RB1CC1: variants seen among roughly 807,000 people sequenced by gnomAD.
RB1CC1 encodes RB1 inducible coiled-coil 1.
In RB1CC1, 46 loss-of-function variants were observed where a neutral mutation model predicts 177.5. That is an observed-to-expected ratio of 0.26 (90% CI 0.20 to 0.33). The LOEUF is 0.33. Ranked by LOEUF, RB1CC1 falls within the 10% of genes least tolerant of loss-of-function variation. RB1CC1 has a pLI of 1.00. For synonymous variants in RB1CC1, 666 were observed against 613.6 expected, an observed-to-expected ratio of 1.09 and a Z score of -1.26; for missense variants, 1,703 against 1,816.3, an observed-to-expected ratio of 0.94 and a Z score of 1.13.
chr8:52,622,689 A>C lies in RB1CC1; in HGVS notation c.*1093T>G, dbSNP rs918988591. The C allele has an allele frequency of 3.3e-5, 5 of 152,066 alleles. No homozygotes were observed. Among genetic ancestry groups the C allele is most frequent in the Non-Finnish European group, 3.0e-5 (2 of 67,580 alleles). 9.4% of individuals were successfully genotyped at this position (152,066 alleles called of 1,614,324 possible). A position where few individuals can be genotyped will look rare whatever the true frequency, so the allele number is the denominator to read the frequency against. ...TAACTCATTTAAATAACTTTGCTCAATGGCAACTTCTCTAAAGATCTAGTT... is the reference window on the plus strand; with the variant it reads ...TAACTCATTTAAATAACTTTGCTCACTGGCAACTTCTCTAAAGATCTAGTT... On this transcript the variant is annotated 3_prime_UTR_variant, in exon 24 of 24. Coordinates refer to ENST00000025008, the MANE Select transcript of RB1CC1 (RefSeq NM_014781.5).
chr8:52,645,689 AAG>A lies in RB1CC1; in HGVS notation c.3987+11_3987+12del. 2 of 1,603,404 alleles carry A rather than the reference AAG, an allele frequency of 1.2e-6. No individual in the cohort carries two copies. The highest frequency in any genetic ancestry group is 2.3e-5 in the South Asian group (2 of 88,270). On this transcript the variant is annotated intron_variant, in intron 16 of 23. Coordinates refer to ENST00000025008, the MANE Select transcript of RB1CC1 (RefSeq NM_014781.5). ...CTTTAGTTCTCAAATGAAATGGGAAAAGAGATACAGACCTGTTGTTCCGCAAT... is the reference window on the plus strand; with the variant it reads ...CTTTAGTTCTCAAATGAAATGGGAAAAGATACAGACCTGTTGTTCCGCAAT...
intron 15 of RB1CC1, among the ~76,000 whole-genome samples, chr8:52,648,387 C>G (rs1398547220): frequency 2.0e-5 from 3 of 152,094 alleles, no homozygotes; most frequent in Non-Finnish European, 4.4e-5. Flanking sequence ...TTTACATTAC[C>G]CTAGGATCTG....
intron 22 of RB1CC1, 84 bp from the exon 23 acceptor site, chr8:52,624,871 C>T (rs1433849334): frequency 1.6e-5 from 16 of 1,026,392 alleles, no homozygotes; most frequent in Non-Finnish European, 2.2e-5. Context: ...TTAAAACAGA[C>T]TAAAAAAGCT....
chr8:52,685,658 C>A (rs1854209333), intron 2 of RB1CC1, 138 bp from the exon 3 acceptor site: 2 of 403,546 alleles, frequency 5.0e-6, no homozygotes, highest in East Asian at 7.5e-5. Flanking sequence ...GGATGGCTAA[C>A]TGGATAGTTC....
chr8:52,632,666 A>G lies in RB1CC1; in HGVS notation c.4441-2138T>C, dbSNP rs573034325. Among the ~76,000 whole-genome samples the G allele has an allele frequency of 2.0e-5, 3 of 152,326 alleles. No homozygotes were observed. The South Asian group carries it at 6.2e-4, about 32-fold the overall frequency. ...GACTGTGATGCTCTCTGGGTCTGAA[A>G]GACAATTTATTCTGTGAAAAGAAAA... is the stretch of plus-strand genomic sequence containing the variant. On this transcript the variant is annotated intron_variant, in intron 20 of 23. Coordinates refer to ENST00000025008, the MANE Select transcript of RB1CC1 (RefSeq NM_014781.5).
rs751323504 is a variant in RB1CC1 at position 52,659,015 on chromosome 8, C to A, written c.1690-39G>T. 3.5e-6 allele frequency: 4 copies of A among 1,151,168 alleles called. No homozygotes were observed. In the Admixed American group the frequency reaches 8.2e-5, roughly 24 times the overall value. The allele number at this position is 1,151,168 out of a possible 1,614,324, so 71.3% of individuals were successfully genotyped here. On this transcript the variant is annotated intron_variant, in intron 12 of 23. Coordinates refer to ENST00000025008, the MANE Select transcript of RB1CC1 (RefSeq NM_014781.5). Reference sequence around the variant, plus strand: ...ATTAATTACTTAAAAAATTTTTTTTCAACCAAAAACAGACAGCAAATTTAT... The same window carrying A: ...ATTAATTACTTAAAAAATTTTTTTTAAACCAAAAACAGACAGCAAATTTAT...
intron 22 of RB1CC1, among the ~76,000 whole-genome samples, chr8:52,626,341 A>C (rs2150367448): frequency 1.3e-5 from 2 of 152,320 alleles, no homozygotes; most frequent in African/African-American, 4.8e-5. Flanking sequence ...TTTTTAAAAA[A>C]GTTTTTTAAT....
chr8:52,661,206 C>T lies in RB1CC1; in HGVS notation c.1434G>A (p.Glu478=). 6.2e-7 allele frequency: 1 copy of T among 1,613,882 alleles called. No homozygotes were observed. Among genetic ancestry groups the T allele is most frequent in the Non-Finnish European group, 8.5e-7 (1 of 1,179,882 alleles). The part of the protein sequence containing the change: ...KLQALLRLVI[E]LLERVKIVEA... ...CAACAATTTTGACTCTTTCTAACAG[C>T]TCTATTACGAGGCGGAGCAAAGCTT... The change falls in exon 10 of 24, where the codon GAG becomes GAA. Residue 478 remains glutamate (E), a synonymous_variant. Transcript: ENST00000025008.
chr8:52,674,369 A>T, intron 6 of RB1CC1, 95 bp from the exon 7 acceptor site: 1 of 1,053,670 alleles, frequency 9.5e-7, no homozygotes, highest in Admixed American at 2.1e-5. Context: ...ATACACACAA[A>T]TCTCACCACC....
intron 1 of RB1CC1, among the ~76,000 whole-genome samples, chr8:52,707,012 T>C (rs1856622009): frequency 6.6e-6 from 1 of 152,094 alleles, no homozygotes; most frequent in African/African-American, 2.4e-5. Context: ...GAAAAGAACA[T>C]GAGATTTGGA....
intron 1 of RB1CC1, among the ~76,000 whole-genome samples, chr8:52,712,890 T>C (rs1857174239): frequency 6.6e-6 from 1 of 152,208 alleles, no homozygotes; most frequent in South Asian, 2.1e-4. Flanking sequence ...ATAAATCCAA[T>C]AATCCAAAAA....
At position 52,645,014 on chromosome 8, in the gene RB1CC1, A is replaced by G. The variant is rs947649711; in HGVS notation, c.3987+688T>C. Among the ~76,000 whole-genome samples the G allele has an allele frequency of 2.0e-5, 3 of 152,168 alleles. No individual in the cohort carries two copies. In the South Asian group the frequency reaches 6.2e-4, roughly 31 times the overall value. ...TTCCAGTGGGTGATCTTCATTAAGC[A>G]TAAATCTAATTATGCCATTGTAATT... On this transcript the variant is annotated intron_variant, in intron 16 of 23. Coordinates refer to ENST00000025008, the MANE Select transcript of RB1CC1 (RefSeq NM_014781.5).
intron 8 of RB1CC1, among the ~76,000 whole-genome samples, chr8:52,663,146 C>T (rs901142333): frequency 3.5e-4 from 54 of 152,156 alleles, no homozygotes; most frequent in African/African-American, 9.1e-4. Context: ...TATTTTTACA[C>T]GCAAATAAGG....
At chr8:52,630,388 T>A in intron 21 of RB1CC1, 82 bp downstream of exon 21, 1 of 1,470,572 alleles carries the variant, frequency 6.8e-7, no homozygotes. Flanking sequence ...TGGACCTGAA[T>A]TACTGTCACT....
intron 19 of RB1CC1, among the ~76,000 whole-genome samples, chr8:52,635,742 AT>A (rs1380143923): frequency 6.6e-6 from 1 of 152,158 alleles, no homozygotes; most frequent in African/African-American, 2.4e-5. Context: ...TTACACATTG[AT>A]TTAATAAAAA....
chr8:52,626,816 G>C (rs1403007131), intron 22 of RB1CC1, among the ~76,000 whole-genome samples: 2 of 28 alleles, frequency 0.071, no homozygotes, highest in African/African-American at 0.33. Flanking sequence ...GAGTTGTCAT[G>C]GGGAAAGTGG....
Position 52,714,431 on chromosome 8 carries a change from A to T in RB1CC1, c.-523T>A, listed in dbSNP as rs1174183555. ...GCCGCGGCTTGGTTTGTTATTGTCG[A>T]CTCCGTCTCTTCCTCCGCGGCGCAT... On this transcript the variant is annotated 5_prime_UTR_variant, in exon 1 of 24. Transcript: ENST00000025008. 6.6e-6 allele frequency: 1 copy of T among 151,758 alleles called. No individual in the cohort carries two copies. The highest frequency in any genetic ancestry group is 2.0e-4 in the East Asian group (1 of 5,070). The allele number at this position is 151,758 out of a possible 1,614,324, so 9.4% of individuals were successfully genotyped here.
chr8:52,624,452 C>T (rs900039647), intron 23 of RB1CC1, among the ~76,000 whole-genome samples: 3 of 151,882 alleles, frequency 2.0e-5, no homozygotes, highest in African/African-American at 7.2e-5. Flanking sequence ...AAATTAGTTA[C>T]ACTAGCAACC....
intron 15 of RB1CC1, among the ~76,000 whole-genome samples, chr8:52,646,999 T>C (rs1850108871): frequency 6.6e-6 from 1 of 152,178 alleles, no homozygotes; most frequent in Admixed American, 6.5e-5. Context: ...TTTTAAATGA[T>C]ATTTTAATGT....
Sources: gnomAD v4.1 joint callset for allele counts (sites outside exome capture counted in the v4.1 genomes callset) on GRCh38, gnomAD v4.1.1 for gene constraint, MANE v1.5 for transcripts, NCBI Gene and HGNC (gene_info 2026-07-23, HGNC 2026-07-21) for gene names.